ZFAND3: variants seen among roughly 807,000 people sequenced by gnomAD.
ZFAND3 encodes AN1-type zinc finger protein 3.
ZFAND3 carries 10 observed loss-of-function variants against 29.6 expected under a neutral mutation model. The observed-to-expected ratio is 0.34, with a 90% CI of 0.21 to 0.57. The LOEUF (loss-of-function observed/expected upper bound fraction) is 0.57, where lower values mean the gene tolerates loss of function less well. Among genes scored for constraint, ZFAND3 ranks in the 20% least tolerant of loss-of-function variants. ZFAND3 has a pLI of 0.86. For missense variants in ZFAND3, 230 were observed against 304.5 expected, an observed-to-expected ratio of 0.76 and a Z score of 1.82; for synonymous variants, 128 against 112.6, an observed-to-expected ratio of 1.14 and a Z score of -0.87.
At chr6:38,125,498 T>C (rs1765617844) in intron 5 of ZFAND3, among the ~76,000 whole-genome samples, 2 of 152,192 alleles carry the variant, frequency 1.3e-5, no homozygotes, top group African/African-American at 4.8e-5. Flanking sequence ...CAAGACCGAA[T>C]GTGCAGGGCA....
In ZFAND3 at chr6:37,864,651, ATATG is replaced by A. The variant is rs773593456; in HGVS notation, c.71+44641_71+44644del. ...ATGAAGACCAATTCAAGAAAAAAAT[ATATG>A]TATGTGTGTGGGTGTATATGTGTGT... On this transcript the variant is annotated intron_variant, in intron 1 of 5. Transcript: ENST00000287218. Among the ~76,000 whole-genome samples the A allele has an allele frequency of 1.4e-4, 22 of 152,276 alleles. No homozygotes were observed. In the East Asian group the frequency reaches 1.9e-3, roughly 13 times the overall value.
At chr6:37,897,674 T>C (rs905777937) in intron 1 of ZFAND3, among the ~76,000 whole-genome samples, 3 of 152,224 alleles carry the variant, frequency 2.0e-5, no homozygotes, top group East Asian at 1.9e-4. Flanking sequence ...TCTTCTAGCC[T>C]CTGGTGGAGT....
At position 38,153,324 on chromosome 6, in the gene ZFAND3, G is replaced by C; in HGVS notation, c.*935G>C. ...ATCAGTAGAAGTGCTGGGAGCAGCA[G>C]CTGGGGAAGCTGCCGCCCACGGGCT... On this transcript the variant is annotated 3_prime_UTR_variant, in exon 6 of 6. Coordinates refer to ENST00000287218, the MANE Select transcript of ZFAND3 (RefSeq NM_021943.3). 1 of 985,508 alleles carries C rather than the reference G, an allele frequency of 1.0e-6. No homozygotes were observed. Among genetic ancestry groups the C allele is most frequent in the Non-Finnish European group, 1.2e-6 (1 of 829,952 alleles). 61.0% of individuals were successfully genotyped at this position (985,508 alleles called of 1,614,324 possible). A position where few individuals can be genotyped will look rare whatever the true frequency, so the allele number is the denominator to read the frequency against.
At chr6:37,945,020 A>AT (rs754023944) in intron 2 of ZFAND3, among the ~76,000 whole-genome samples, 21 of 152,210 alleles carry the variant, frequency 1.4e-4, no homozygotes, top group Admixed American at 8.5e-4. Context: ...AGTGCCACCC[A>AT]TTTTTACACC....
At chr6:37,924,355 T>C (rs1761442829) in intron 1 of ZFAND3, among the ~76,000 whole-genome samples, 1 of 151,786 alleles carries the variant, frequency 6.6e-6, no homozygotes, top group African/African-American at 2.4e-5. Flanking sequence ...TCAAAAGAGA[T>C]TTTATTTCTT....
At chr6:38,136,709 G>C (rs999666904) in intron 5 of ZFAND3, among the ~76,000 whole-genome samples, 1 of 152,162 alleles carries the variant, frequency 6.6e-6, no homozygotes, top group African/African-American at 2.4e-5. Flanking sequence ...GGACTGTAAG[G>C]GTCATCAGGA....
At chr6:38,076,345 A>G (rs910063416) in intron 3 of ZFAND3, among the ~76,000 whole-genome samples, 2 of 152,278 alleles carry the variant, frequency 1.3e-5, no homozygotes, top group Admixed American at 1.3e-4. Flanking sequence ...GTGCAACTCG[A>G]ACTTTATTGC....
intron 1 of ZFAND3, among the ~76,000 whole-genome samples, chr6:37,868,306 A>G (rs980186670): frequency 6.6e-6 from 1 of 152,222 alleles, no homozygotes; most frequent in African/African-American, 2.4e-5. Context: ...GAGGGTTACA[A>G]AAGATGCAGT....
chr6:37,921,228 C>T (rs1344593868), intron 1 of ZFAND3, among the ~76,000 whole-genome samples: 1 of 152,024 alleles, frequency 6.6e-6, no homozygotes, highest in African/African-American at 2.4e-5. Flanking sequence ...AGAAATGTGA[C>T]AGTTTTTACA....
At chr6:37,856,191 C>T (rs916987917) in intron 1 of ZFAND3, among the ~76,000 whole-genome samples, 2 of 151,946 alleles carry the variant, frequency 1.3e-5, no homozygotes, top group East Asian at 1.9e-4. Flanking sequence ...GACCCAGTTT[C>T]GCCATGTTGC....
chr6:38,038,769 G>A (rs1763706759), intron 2 of ZFAND3, among the ~76,000 whole-genome samples: 1 of 152,100 alleles, frequency 6.6e-6, no homozygotes, highest in African/African-American at 2.4e-5. Flanking sequence ...TTAGTCTTCA[G>A]ATGTTTACAT....
chr6:37,867,426 A>C (rs1454320784), intron 1 of ZFAND3, among the ~76,000 whole-genome samples: 1 of 152,226 alleles, frequency 6.6e-6, no homozygotes, highest in Non-Finnish European at 1.5e-5. Context: ...AATTAGAAAT[A>C]CATCTTCAAA....
intron 2 of ZFAND3, among the ~76,000 whole-genome samples, chr6:38,055,762 TTA>T (rs969940529): frequency 2.6e-5 from 4 of 152,186 alleles, no homozygotes; most frequent in African/African-American, 9.7e-5. Context: ...ATTAAGCACT[TTA>T]TCTTTTAGAA....
At chr6:38,041,647 T>G (rs1278555472) in intron 2 of ZFAND3, among the ~76,000 whole-genome samples, 2 of 18,490 alleles carry the variant, frequency 1.1e-4, no homozygotes, top group African/African-American at 3.9e-4. Flanking sequence ...CTTCTTCTTC[T>G]TCTTCTTCTT....
intron 3 of ZFAND3, among the ~76,000 whole-genome samples, chr6:38,079,606 T>C (rs75400774): frequency 0.055 from 8,378 of 152,316 alleles, 353 homozygotes; most frequent in Non-Finnish European, 0.094. Context: ...TCCTTTCTTA[T>C]ATAATTCTAC....
At chr6:37,898,083 A>T (rs546968302) in intron 1 of ZFAND3, among the ~76,000 whole-genome samples, 5 of 151,424 alleles carry the variant, frequency 3.3e-5, no homozygotes, top group African/African-American at 9.8e-5. Context: ...TGTGGTCAGG[A>T]CTCTTTGTGT....
intron 1 of ZFAND3, among the ~76,000 whole-genome samples, chr6:37,864,391 A>G (rs921561764): frequency 4.6e-5 from 7 of 152,208 alleles, no homozygotes; most frequent in African/African-American, 1.7e-4. Context: ...ATTTCTTTCT[A>G]CATGCACATG....
At chr6:38,104,166 G>C (rs554370102) in intron 4 of ZFAND3, among the ~76,000 whole-genome samples, 2 of 152,276 alleles carry the variant, frequency 1.3e-5, no homozygotes, top group Admixed American at 1.3e-4. Flanking sequence ...TTTAGCTCCT[G>C]GCAATGCCCT....
intron 5 of ZFAND3, among the ~76,000 whole-genome samples, chr6:38,135,614 G>A (rs1477011231): frequency 5.3e-5 from 8 of 152,022 alleles, no homozygotes; most frequent in African/African-American, 1.2e-4. Context: ...GTGTGGTGGC[G>A]TGCGCCTGTA....
Sources: gnomAD v4.1 joint callset for allele counts (sites outside exome capture counted in the v4.1 genomes callset) on GRCh38, gnomAD v4.1.1 for gene constraint, MANE v1.5 for transcripts, NCBI Gene and HGNC (gene_info 2026-07-23, HGNC 2026-07-21) for gene names.